The following SYT1 variants were observed in gnomAD, a reference collection of about 807,000 sequenced individuals.
SYT1 encodes synaptotagmin-1.
In SYT1, 8 loss-of-function variants were observed where a neutral mutation model predicts 44.8. The observed-to-expected ratio is 0.18, with a 90% CI of 0.10 to 0.32. The LOEUF is 0.32. SYT1 is among the 10% of genes least tolerant of loss of function. The pLI is 1.00. For missense variants in SYT1, 286 were observed against 509.3 expected (o/e 0.56, Z 4.22); for synonymous variants, 154 against 188.8 (o/e 0.82, Z 1.51).
intron 1 of SYT1, among the ~76,000 whole-genome samples, chr12:78,908,792 T>A (rs1420935193): frequency 2.6e-5 from 4 of 151,900 alleles, no homozygotes; most frequent in Non-Finnish European, 4.4e-5. Flanking sequence ...CTTAGTAAAG[T>A]CATGACATGT....
At chr12:78,945,921 G>C (rs950519245) in intron 1 of SYT1, among the ~76,000 whole-genome samples, 2 of 152,026 alleles carry the variant, frequency 1.3e-5, no homozygotes, top group African/African-American at 4.8e-5. Context: ...GAAGGTTTAA[G>C]GGGGAAATAA....
In SYT1 at chr12:79,167,893, A is replaced by C. The variant is rs77407661; in HGVS notation, c.-17-49610A>C. 2.6e-5 allele frequency among the ~76,000 whole-genome samples: 4 copies of C among 152,060 alleles called. No homozygotes were observed. In the East Asian group the frequency reaches 7.8e-4, roughly 30 times the overall value. The stretch of plus-strand genomic sequence containing the variant: ...AGGTCATCAGGCATTAGATTCTCAT[A>C]AGGAGCGTAACAACCTAGATCCCTC... On this transcript the variant is annotated intron_variant, in intron 3 of 10. Coordinates refer to ENST00000261205, the MANE Select transcript of SYT1 (RefSeq NM_005639.3).
intron 3 of SYT1, among the ~76,000 whole-genome samples, chr12:79,092,560 AC>A (rs1378983758): frequency 6.7e-6 from 1 of 148,730 alleles, no homozygotes; most frequent in Non-Finnish European, 1.5e-5. Context: ...CATGTGCCAA[AC>A]AAAAAAGTCA....
chr12:78,900,295 A>G (rs1161911782), intron 1 of SYT1, among the ~76,000 whole-genome samples: 1 of 152,168 alleles, frequency 6.6e-6, no homozygotes, highest in African/African-American at 2.4e-5. Flanking sequence ...AAATTTGTGA[A>G]CAAGCCAGAT....
At chr12:78,866,571 T>G (rs1392658319) in intron 1 of SYT1, among the ~76,000 whole-genome samples, 1 of 152,052 alleles carries the variant, frequency 6.6e-6, no homozygotes, top group African/African-American at 2.4e-5. Flanking sequence ...ATTCCATCAT[T>G]GGGGATATAA....
chr12:79,130,449 G>A (rs1868738562), intron 3 of SYT1, among the ~76,000 whole-genome samples: 1 of 152,136 alleles, frequency 6.6e-6, no homozygotes, highest in African/African-American at 2.4e-5. Flanking sequence ...GTTCTCCATG[G>A]ATGTCTGTTT....
chr12:79,011,412 G>C (rs1370435918), intron 2 of SYT1, among the ~76,000 whole-genome samples: 1 of 151,942 alleles, frequency 6.6e-6, no homozygotes, highest in South Asian at 2.1e-4. Flanking sequence ...TTTATAGTAG[G>C]GCATTCCATC....
intron 3 of SYT1, among the ~76,000 whole-genome samples, chr12:79,147,517 G>A (rs112051077): frequency 3.0e-4 from 46 of 152,122 alleles, no homozygotes; most frequent in African/African-American, 1.1e-3. Context: ...TACAATGTTC[G>A]TTACAATAAT....
chr12:79,405,656 C>A (rs1382013414), intron 9 of SYT1, among the ~76,000 whole-genome samples: 3 of 152,126 alleles, frequency 2.0e-5, no homozygotes, highest in Admixed American at 6.6e-5. Context: ...AGAAAATCCT[C>A]TGTAAACAGT....
chr12:79,358,738 C>A (rs1883206158), intron 9 of SYT1, among the ~76,000 whole-genome samples: 2 of 152,250 alleles, frequency 1.3e-5, no homozygotes, highest in South Asian at 4.1e-4. Context: ...TCAGCTCTAA[C>A]CTGCGTGAGG....
chr12:78,865,190 A>G (rs1353740737), intron 1 of SYT1, 81 bp downstream of exon 1: 1 of 152,166 alleles, frequency 6.6e-6, no homozygotes. Flanking sequence ...TCTTCTCGAT[A>G]CACTTGGGTT....
At chr12:79,334,772 C>T (rs1342199851) in intron 8 of SYT1, among the ~76,000 whole-genome samples, 1 of 152,166 alleles carries the variant, frequency 6.6e-6, no homozygotes, top group East Asian at 1.9e-4. Context: ...ACTCTGGCAT[C>T]ATCTTCATAG....
At chr12:79,335,849 C>G (rs1882066377) in intron 8 of SYT1, among the ~76,000 whole-genome samples, 1 of 152,192 alleles carries the variant, frequency 6.6e-6, no homozygotes, top group Admixed American at 6.5e-5. Flanking sequence ...TGTTTCTGTT[C>G]TGGATTAAAA....
intron 1 of SYT1, among the ~76,000 whole-genome samples, chr12:78,943,035 T>C (rs1389441930): frequency 6.6e-6 from 1 of 152,240 alleles, no homozygotes; most frequent in African/African-American, 2.4e-5. Context: ...AGTCTAATAA[T>C]AGTAAATATT....
rs371962878 is a variant in SYT1 at position 78,923,594 on chromosome 12, G to A, written c.-216-54205G>A. ...TTTGACATAATTTCAGATTTCAGAC[G>A]TTCAGAATAGAGACAAGAATTGTAC... On this transcript the variant is annotated intron_variant, in intron 1 of 10. Coordinates refer to ENST00000261205, the MANE Select transcript of SYT1 (RefSeq NM_005639.3). Among the ~76,000 whole-genome samples, 95 of 151,890 alleles carry A rather than the reference G, an allele frequency of 6.3e-4. 1 individual carries two copies. Among genetic ancestry groups the A allele is most frequent in the African/African-American group, 2.1e-3 (88 of 41,492 alleles).
At chr12:79,441,468 C>A (rs571809170) in intron 9 of SYT1, among the ~76,000 whole-genome samples, 3 of 152,058 alleles carry the variant, frequency 2.0e-5, no homozygotes, top group Non-Finnish European at 4.4e-5. Flanking sequence ...GTGTGCACCA[C>A]CACGCCTGGC....
intron 3 of SYT1, among the ~76,000 whole-genome samples, chr12:79,101,015 T>C (rs1878414945): frequency 6.6e-6 from 1 of 152,168 alleles, no homozygotes; most frequent in African/African-American, 2.4e-5. Context: ...TCCAATATTA[T>C]ATACATAATG....
At chr12:79,436,582 T>C (rs571541938) in intron 9 of SYT1, among the ~76,000 whole-genome samples, 1 of 152,218 alleles carries the variant, frequency 6.6e-6, no homozygotes, top group Non-Finnish European at 1.5e-5. Flanking sequence ...ACAAAAAGCG[T>C]TTAGTGGCTC....
chr12:79,442,856 C>T lies in SYT1; in HGVS notation c.929-1217C>T, dbSNP rs371100102. ...AGAGGAAAGAAAATTTGAAAGGCTT[C>T]GCAGTAGTTATTTTAGGGAAGTAAA... On this transcript the variant is annotated intron_variant, in intron 9 of 10. Transcript: ENST00000261205. 3.9e-4 allele frequency among the ~76,000 whole-genome samples: 60 copies of T among 152,158 alleles called. No individual in the cohort carries two copies. In the South Asian group the frequency reaches 0.012, roughly 30 times the overall value.
Sources: allele counts gnomAD v4.1 joint callset (sites outside exome capture counted in the v4.1 genomes callset), GRCh38; gene constraint gnomAD v4.1.1; transcripts MANE v1.5; gene names NCBI Gene and HGNC (gene_info 2026-07-23, HGNC 2026-07-21).